CNOT3: variants seen among roughly 807,000 people sequenced by gnomAD.
CNOT3 encodes the protein CCR4-NOT transcription complex subunit 3.
CNOT3 carries 2 observed loss-of-function variants against 89.4 expected under a neutral mutation model. That is an observed-to-expected ratio of 0.02 (90% CI 0.01 to 0.07). CNOT3 has a LOEUF of 0.07. Ranked by LOEUF, CNOT3 falls within the 10% of genes least tolerant of loss-of-function variation. The pLI is 1.00. For synonymous variants in CNOT3, 486 were observed against 402.0 expected (o/e 1.21, Z -2.50); for missense variants, 664 against 1,010.2 (o/e 0.66, Z 4.65).
rs1485442242 is a variant in CNOT3 at position 54,152,106 on chromosome 19, T to G, written c.1606-120T>G. The G allele has an allele frequency of 8.9e-6, 8 of 899,926 alleles. No homozygotes were observed. The Admixed American group carries it at 1.1e-4, about 13-fold the overall frequency. 55.7% of individuals were successfully genotyped at this position (899,926 alleles called of 1,614,324 possible). Reference sequence around the variant, plus strand: ...CCTGTCATGGGTAGATTGTGGGGAGTGGGTCGTTGGCCCTCCACGGCCCCC... The same window carrying G: ...CCTGTCATGGGTAGATTGTGGGGAGGGGGTCGTTGGCCCTCCACGGCCCCC... On this transcript the variant is annotated intron_variant, in intron 13 of 17. Coordinates refer to ENST00000221232, the MANE Select transcript of CNOT3 (RefSeq NM_014516.4).
rs1328310113 is a variant in CNOT3 at position 54,148,341 on chromosome 19, A to G, written c.1088A>G (p.His363Arg). The change falls in exon 11 of 18, where the codon CAC becomes CGC. Residue 363 changes from histidine (H) to arginine (R), a missense_variant. Transcript: ENST00000221232. This position sits in a 1 kb window ranked among gnomAD's most constrained non-coding sequence, Gnocchi z 6.3. ...CCCAAGGCCAGTCCAGCTCCCAGCC[A>G]CAACTCGGGCACCCCTGCTCCCTAT... ...LGPKASPAPS[H>R]NSGTPAPYAQ... 1 of 1,591,060 alleles carries G rather than the reference A, an allele frequency of 6.3e-7. No homozygotes were observed. Among genetic ancestry groups the G allele is most frequent in the Non-Finnish European group, 8.6e-7 (1 of 1,168,356 alleles).
intron 1 of CNOT3, among the ~76,000 whole-genome samples, chr19:54,139,331 C>T (rs1470762780): frequency 6.6e-6 from 1 of 152,136 alleles, no homozygotes; most frequent in Non-Finnish European, 1.5e-5. Flanking sequence ...TGCATCAGAT[C>T]CCACACTGTG....
In CNOT3 at chr19:54,145,938, C is replaced by G. The variant is rs762116071; in HGVS notation, c.732C>G (p.Pro244=). ...AGGCGCTGGTCGCCACCTCCCCCCC[C>G]AGCCACAGCCACATGGAGGATGAGA... is the stretch of plus-strand genomic sequence containing the variant. The part of the protein sequence containing the change: ...IPQALVATSP[P]SHSHMEDEIF... Residue 244 remains proline (P), a synonymous_variant, in exon 9 of 18, where the codon CCC becomes CCG. Transcript: ENST00000221232. The surrounding 1 kb of genome is among the most constrained non-coding windows in gnomAD (Gnocchi z 5.9). 7 of 1,613,820 alleles carry G rather than the reference C, an allele frequency of 4.3e-6. No individual in the cohort carries two copies. Among genetic ancestry groups the G allele is most frequent in the East Asian group, 4.5e-5 (2 of 44,888 alleles).
chr19:54,146,245 C>G (rs188679634), intron 9 of CNOT3, among the ~76,000 whole-genome samples: 1 of 152,182 alleles, frequency 6.6e-6, no homozygotes, highest in Admixed American at 6.5e-5. Flanking sequence ...GGGTGCATCC[C>G]GCGCCAGTTT....
rs1227439084 is a variant in CNOT3 at position 54,139,899 on chromosome 19, C to T, written c.-51+1906C>T. Among the ~76,000 whole-genome samples, 4 of 152,132 alleles carry T rather than the reference C, an allele frequency of 2.6e-5. No homozygotes were observed. The East Asian group carries it at 7.7e-4, about 29-fold the overall frequency. On this transcript the variant is annotated intron_variant, in intron 1 of 17. Transcript: ENST00000221232. ...TGACTACCTCTACCCCAGGCCCTAACGCATCCTTCTTCTGGAGTCTCAGAG... is the reference window on the plus strand; with the variant it reads ...TGACTACCTCTACCCCAGGCCCTAATGCATCCTTCTTCTGGAGTCTCAGAG...
At chr19:54,147,191 T>G (rs587622958) in intron 10 of CNOT3, among the ~76,000 whole-genome samples, 6 of 152,352 alleles carry the variant, frequency 3.9e-5, no homozygotes, top group African/African-American at 7.2e-5. Flanking sequence ...GGGCAGTGCT[T>G]CTTCAACTCC....
chr19:54,153,434 A>T (rs1478905484), intron 16 of CNOT3: 1 of 771,714 alleles, frequency 1.3e-6, no homozygotes, highest in African/African-American at 1.7e-5. Context: ...CCACTTGGGA[A>T]ATTTTCTAAA....
At position 54,146,037 on chromosome 19, in the gene CNOT3, T is replaced by C; in HGVS notation, c.831T>C (p.Cys277=). Residue 277 remains cysteine, a synonymous_variant, in exon 9 of 18, where the codon TGT becomes TGC. Transcript: ENST00000221232. ...SSPIPPSPAN[C]TTENSEDDKK... ...CCATCCCGCCCAGCCCAGCCAACTG[T>C]ACCACGGTGAGGCCCCACGGGACAC... is the stretch of plus-strand genomic sequence containing the variant. 1.2e-6 allele frequency: 2 copies of C among 1,613,046 alleles called. No homozygotes were observed. Among genetic ancestry groups the C allele is most frequent in the East Asian group, 2.2e-5 (1 of 44,872 alleles).
intron 1 of CNOT3, among the ~76,000 whole-genome samples, chr19:54,138,639 G>C (rs1199458020): frequency 1.3e-5 from 2 of 152,222 alleles, no homozygotes. Flanking sequence ...GGTTCCAGCT[G>C]CCCGTCTGTA....
chr19:54,150,644 T>TGTGCGCGCCCAGGCTGTCCAGGG (rs2075036959), intron 13 of CNOT3, among the ~76,000 whole-genome samples: 2 of 84,444 alleles, frequency 2.4e-5, no homozygotes, highest in Admixed American at 1.1e-4. Context: ...GCTGTCCAGG[T>TGTGCGCGCCCAGGCTGTCCAGGG]CCAAGTCTTG....
At position 54,148,522 on chromosome 19, in the gene CNOT3, G is replaced by A. The variant is rs747960849; in HGVS notation, c.1269G>A (p.Gln423=). 12 of 1,559,616 alleles carry A rather than the reference G, an allele frequency of 7.7e-6. No homozygotes were observed. Among genetic ancestry groups the A allele is most frequent in the South Asian group, 4.7e-5 (4 of 84,638 alleles). ...NSSAGGGAGK[Q]NGATSYSSVV... ...GTGCCGGTGGAGGGGCTGGCAAGCA[G>A]AATGGCGCCACCAGTGAGTGAGGAG... Residue 423 remains glutamine, a synonymous_variant, in exon 11 of 18, where the codon CAG becomes CAA. Transcript: ENST00000221232. The surrounding 1 kb of genome is among the most constrained non-coding windows in gnomAD (Gnocchi z 6.3).
At chr19:54,146,946 G>A (rs1244042871) in intron 10 of CNOT3, among the ~76,000 whole-genome samples, 2 of 152,210 alleles carry the variant, frequency 1.3e-5, no homozygotes, top group Non-Finnish European at 2.9e-5. Flanking sequence ...GGGAGAGGTG[G>A]CAGCCAGTAA....
intron 13 of CNOT3, 136 bp downstream of exon 13, chr19:54,149,894 C>T: frequency 2.2e-6 from 2 of 929,516 alleles, no homozygotes; most frequent in Non-Finnish European, 3.1e-6. Context: ...CTCACACTTG[C>T]TCTTTCTCCA....
chr19:54,140,050 CTG>C (rs1371375747), intron 1 of CNOT3, among the ~76,000 whole-genome samples: 2 of 152,202 alleles, frequency 1.3e-5, no homozygotes, highest in Non-Finnish European at 2.9e-5. Context: ...AAAGACCACT[CTG>C]TGGGCACATG....
At position 54,155,456 on chromosome 19, in the gene CNOT3, C is replaced by T; in HGVS notation, c.*49C>T. ...CCCCTTCCCCCGCATGCTGATCCCC[C>T]TGCCCAGGTGAGGGCCCTGCCCTGG... On this transcript the variant is annotated 3_prime_UTR_variant, in exon 18 of 18. Transcript: ENST00000221232. The T allele has an allele frequency of 2.3e-6, 3 of 1,277,276 alleles. No homozygotes were observed. The highest frequency in any genetic ancestry group is 1.3e-5 in the South Asian group (1 of 76,394). The allele number at this position is 1,277,276 out of a possible 1,614,324, so 79.1% of individuals were successfully genotyped here. A position where few individuals can be genotyped will look rare whatever the true frequency, so the allele number is the denominator to read the frequency against.
intron 1 of CNOT3, chr19:54,142,649 A>AC: frequency 1.9e-6 from 1 of 538,572 alleles, no homozygotes. Flanking sequence ...GGGAGAAGGT[A>AC]CTCCATGCTC....
Position 54,152,287 on chromosome 19 carries a change from T to C in CNOT3, c.1667T>C (p.Ile556Thr), listed in dbSNP as rs1439548391. 5.0e-6 allele frequency: 8 copies of C among 1,613,996 alleles called. No individual in the cohort carries two copies. The highest frequency in any genetic ancestry group is 1.3e-5 in the African/African-American group (1 of 74,902). ...MAERAAISSG[I>T]EDPVPTLHLT... ...GAACGGGCAGCCATCAGCTCTGGCA[T>C]TGAGGACCCTGTGCCAACGCTGCAC... is the stretch of plus-strand genomic sequence containing the variant. Residue 556 changes from isoleucine (I) to threonine (T), a missense_variant, in exon 14 of 18, where the codon ATT (isoleucine) becomes ACT (threonine). By Grantham distance (89) the Ile-to-Thr change is moderately conservative. Coordinates refer to ENST00000221232, the MANE Select transcript of CNOT3 (RefSeq NM_014516.4).
intron 1 of CNOT3, among the ~76,000 whole-genome samples, chr19:54,141,025 A>G (rs2074428205): frequency 6.6e-6 from 1 of 151,672 alleles, no homozygotes; most frequent in Non-Finnish European, 1.5e-5. Flanking sequence ...GGGAGTGTAA[A>G]CTCTCGTTTC....
In CNOT3 at chr19:54,149,553, T is replaced by C; in HGVS notation, c.1407-7T>C. On this transcript the variant is annotated splice_polypyrimidine_tract_variant and splice_region_variant and intron_variant, in intron 12 of 17. Transcript: ENST00000221232. ...TCTCAACCCCCTCTTCCATGCTCTC[T>C]CTCCAGGAAGGAACCCAGTGCGGCA... The C allele has an allele frequency of 6.4e-7, 1 of 1,552,392 alleles. No individual in the cohort carries two copies. The highest frequency in any genetic ancestry group is 8.7e-7 in the Non-Finnish European group (1 of 1,147,216).
Sources: gnomAD v4.1 joint callset for allele counts (sites outside exome capture counted in the v4.1 genomes callset) on GRCh38, gnomAD v4.1.1 for gene constraint, Gnocchi (gnomAD v3.1) non-coding constraint, MANE v1.5 for transcripts, NCBI Gene and HGNC (gene_info 2026-07-23, HGNC 2026-07-21) for gene names.